The following TPP2 variants were observed in gnomAD, a reference collection of about 807,000 sequenced individuals.
TPP2 encodes tripeptidyl-peptidase 2.
A neutral mutation model predicts 155.9 loss-of-function variants in TPP2; 34 were observed. That is an observed-to-expected ratio of 0.22 (90% CI 0.17 to 0.29). The LOEUF (loss-of-function observed/expected upper bound fraction) is 0.29. Ranked by LOEUF, TPP2 falls within the 10% of genes least tolerant of loss-of-function variation. The probability of loss-of-function intolerance (pLI) is 1.00; values close to 1 mark genes in which losing one functional copy is unlikely to be tolerated. For synonymous variants in TPP2, 510 were observed against 529.4 expected (o/e 0.96, Z 0.50); for missense variants, 1,028 against 1,522.3 (o/e 0.68, Z 5.40).
rs11843274 is a variant in TPP2, at chr13:102,675,674, C to T, written c.3580-622C>T. Among the ~76,000 whole-genome samples, 545 of 152,216 alleles carry T rather than the reference C, an allele frequency of 3.6e-3. 1 individual carries two copies. Among genetic ancestry groups the T allele is most frequent in the African/African-American group, 0.012 (515 of 41,558 alleles). On this transcript the variant is annotated intron_variant, in intron 28 of 29. Transcript: ENST00000376052. Reference sequence around the variant, plus strand: ...ATTGTTATAGATCATTCTATTTTTGCAATACTACTACTATATTAGGGGCTA... The same window carrying T: ...ATTGTTATAGATCATTCTATTTTTGTAATACTACTACTATATTAGGGGCTA...
chr13:102,675,760 T>C (rs1020038093), intron 28 of TPP2, among the ~76,000 whole-genome samples: 4 of 152,192 alleles, frequency 2.6e-5, no homozygotes. Context: ...TTAAATACTT[T>C]AGTTGCCTTT....
chr13:102,599,257 A>T (rs2139397373), intron 1 of TPP2, among the ~76,000 whole-genome samples: 1 of 152,356 alleles, frequency 6.6e-6, no homozygotes, highest in Non-Finnish European at 1.5e-5. Flanking sequence ...TGCATGTAAT[A>T]AATATTCAGA....
chr13:102,643,406 C>T (rs1360767668), intron 17 of TPP2, 30 bp downstream of exon 17: 5 of 1,557,838 alleles, frequency 3.2e-6, no homozygotes, highest in Non-Finnish European at 4.3e-6. Context: ...ATAATCCTAA[C>T]ACAATTTATT....
At chr13:102,631,463 C>T (rs1340875428) in intron 10 of TPP2, 1 of 152,164 alleles carries the variant, frequency 6.6e-6, no homozygotes, top group East Asian at 1.9e-4. Context: ...AGCCAAAAGT[C>T]AGCAAAGCTT....
rs202034932 is a variant in TPP2 at position 102,674,537 on chromosome 13, A to T, written c.3579+47A>T. 2.6e-5 allele frequency: 42 copies of T among 1,591,290 alleles called. No homozygotes were observed. In the African/African-American group the frequency reaches 4.7e-4, roughly 18 times the overall value. On this transcript the variant is annotated intron_variant, in intron 28 of 29. Transcript: ENST00000376052. ...TCAGCAAAGTTCTTGGGGTTACCTCACAGACCTCTCTTGTGCCCCATTGCT... is the reference window on the plus strand; with the variant it reads ...TCAGCAAAGTTCTTGGGGTTACCTCTCAGACCTCTCTTGTGCCCCATTGCT...
chr13:102,633,907 A>G (rs756282239), intron 10 of TPP2, 43 bp from the exon 11 acceptor site: 3 of 1,610,960 alleles, frequency 1.9e-6, no homozygotes, highest in Non-Finnish European at 2.5e-6. Flanking sequence ...ATGTATGTTT[A>G]GCTTTCACCA....
At chr13:102,640,641 A>ATT (rs5806315) in intron 16 of TPP2, among the ~76,000 whole-genome samples, 851 of 84,234 alleles carry the variant, frequency 0.01, 98 homozygotes, top group Middle Eastern at 0.045. Context: ...CCTGGTAATA[A>ATT]TTTTTTTTTT....
At chr13:102,678,206 T>C (rs1366898601) in intron 29 of TPP2, 21 bp from the exon 30 acceptor site, 3 of 1,590,508 alleles carry the variant, frequency 1.9e-6, no homozygotes, top group Non-Finnish European at 2.6e-6. Flanking sequence ...TATAATAATA[T>C]ATTATTGTAT....
At chr13:102,637,503 T>C (rs1882457671) in intron 14 of TPP2, among the ~76,000 whole-genome samples, 1 of 152,152 alleles carries the variant, frequency 6.6e-6, no homozygotes, top group East Asian at 1.9e-4. Context: ...TCCCTCTAAC[T>C]GGTGTTTTCT....
intron 2 of TPP2, among the ~76,000 whole-genome samples, chr13:102,610,545 G>A (rs904028801): frequency 6.6e-6 from 1 of 152,108 alleles, no homozygotes; most frequent in Non-Finnish European, 1.5e-5. Context: ...GCTTTGAAAT[G>A]AATTAAATGT....
rs1193745590 is a variant in TPP2, at chr13:102,657,050, T to G, written c.2992-6T>G. On this transcript the variant is annotated splice_region_variant and splice_polypyrimidine_tract_variant and intron_variant, in intron 24 of 29. Transcript: ENST00000376052. ...TTAATCTAAGAATCTCTCTCCACAT[T>G]CGTAGGATGTAATCCCTGTTCATTA... 3.8e-6 allele frequency: 6 copies of G among 1,582,452 alleles called. No homozygotes were observed. Among genetic ancestry groups the G allele is most frequent in the South Asian group, 1.2e-5 (1 of 84,098 alleles).
At chr13:102,651,025 TG>T in intron 23 of TPP2, among the ~76,000 whole-genome samples, 1 of 152,252 alleles carries the variant, frequency 6.6e-6, no homozygotes, top group Non-Finnish European at 1.5e-5. Flanking sequence ...GCAATGGGGT[TG>T]TTGTGGTACC....
intron 24 of TPP2, 108 bp from the exon 25 acceptor site, chr13:102,656,948 G>A: frequency 1.6e-6 from 2 of 1,217,752 alleles, no homozygotes; most frequent in East Asian, 2.6e-5. Flanking sequence ...ATACAGTGTA[G>A]TACAACTTAG....
intron 10 of TPP2, chr13:102,631,638 A>C (rs1882027745): frequency 6.6e-6 from 1 of 152,244 alleles, no homozygotes; most frequent in Admixed American, 6.5e-5. Context: ...CATTTAAAGA[A>C]TTATTTTAAG....
rs200420127 is a variant in TPP2, at chr13:102,663,755, T to C, written c.3240+11T>C. Reference sequence around the variant, plus strand: ...TTGGATGCTGAAAAGGTTAGACATGTTCATTCTGATATATCTTATTTTGTT... The same window carrying C: ...TTGGATGCTGAAAAGGTTAGACATGCTCATTCTGATATATCTTATTTTGTT... On this transcript the variant is annotated intron_variant, in intron 26 of 29. Coordinates refer to ENST00000376052, the MANE Select transcript of TPP2 (RefSeq NM_001330588.2). 1.5e-4 allele frequency: 228 copies of C among 1,566,866 alleles called. No individual in the cohort carries two copies. Among genetic ancestry groups the C allele is most frequent in the Non-Finnish European group, 1.8e-4 (212 of 1,157,152 alleles).
At chr13:102,650,651 C>T (rs1486540213) in intron 23 of TPP2, among the ~76,000 whole-genome samples, 1 of 152,146 alleles carries the variant, frequency 6.6e-6, no homozygotes, top group Non-Finnish European at 1.5e-5. Context: ...GTTCAGATGA[C>T]AGATGACACT....
Position 102,644,588 on chromosome 13 carries a change from G to A in TPP2, c.2207G>A (p.Arg736His), listed in dbSNP as rs745493498. ...AAAGCAATTGAATTTTGCATTGCTCGTTGGTGGGCAAGTCTCAGTGATGTC... is the reference window on the plus strand; with the variant it reads ...AAAGCAATTGAATTTTGCATTGCTCATTGGTGGGCAAGTCTCAGTGATGTC... ...GGKAIEFCIA[R>H]WWASLSDVNI... Residue 736 changes from arginine to histidine, a missense_variant, in exon 18 of 30, where the codon CGT (arginine) becomes CAT (histidine). By Grantham distance (29) the Arg-to-His change is conservative. Around this residue, in one of 7 missense-constraint regions of TPP2, gnomAD observed 325 missense variants for 463.7 expected, o/e 0.70. Transcript: ENST00000376052. The A allele has an allele frequency of 5.6e-6, 9 of 1,611,622 alleles. No homozygotes were observed. The highest frequency in any genetic ancestry group is 2.5e-6 in the Non-Finnish European group (3 of 1,178,796).
chr13:102,639,463 A>C (rs962413287), intron 15 of TPP2, among the ~76,000 whole-genome samples: 2 of 152,234 alleles, frequency 1.3e-5, no homozygotes, highest in Non-Finnish European at 2.9e-5. Context: ...GTAGTAATTT[A>C]GACCAGGTAA....
intron 2 of TPP2, among the ~76,000 whole-genome samples, chr13:102,606,126 A>G (rs1221359448): frequency 1.3e-5 from 2 of 152,244 alleles, no homozygotes; most frequent in Non-Finnish European, 2.9e-5. Flanking sequence ...GCTAAGGAGC[A>G]TGAAGGATGG....
Sources: gnomAD v4.1 joint callset for allele counts (sites outside exome capture counted in the v4.1 genomes callset) on GRCh38, gnomAD v4.1.1 for gene constraint, gnomAD v4.1.1 regional missense constraint, MANE v1.5 for transcripts, NCBI Gene and HGNC (gene_info 2026-07-23, HGNC 2026-07-21) for gene names.